Variants in PRDM16 observed in about 807,000 individuals in gnomAD.
The protein encoded by PRDM16 is histone-lysine N-methyltransferase PRDM16.
PRDM16 carries 23 observed loss-of-function variants against 110.6 expected under a neutral mutation model. The ratio of observed to expected loss-of-function variants is 0.21; its 90% confidence interval spans 0.15 to 0.29. The LOEUF is 0.29. Ranked by LOEUF, PRDM16 falls within the 10% of genes least tolerant of loss-of-function variation. The probability of loss-of-function intolerance (pLI) is 1.00; values close to 1 mark genes in which losing one functional copy is unlikely to be tolerated. For synonymous variants in PRDM16, 799 were observed against 781.8 expected, an observed-to-expected ratio of 1.02 and a Z score of -0.37; for missense variants, 1,615 against 1,794.3, an observed-to-expected ratio of 0.90 and a Z score of 1.81.
Position 3,414,351 on chromosome 1 carries a change from G to A in PRDM16, c.2604-209G>A, listed in dbSNP as rs558511880. On this transcript the variant is annotated intron_variant, in intron 9 of 16. Transcript: ENST00000270722. ...GGGCAGGTGGTGACAGGGAGGGTCC[G>A]TCTAGGGGTGCAGGTGGGCTGGGCT... Among the ~76,000 whole-genome samples, 7 of 152,266 alleles carry A rather than the reference G, an allele frequency of 4.6e-5. No individual in the cohort carries two copies. The South Asian group carries it at 8.3e-4, about 18-fold the overall frequency.
chr1:3,171,597 TG>T (rs1017533825), intron 1 of PRDM16, among the ~76,000 whole-genome samples: 71 of 152,156 alleles, frequency 4.7e-4, no homozygotes, highest in African/African-American at 1.7e-3. Context: ...CTGTGTGTAT[TG>T]GGGGGCCCTT....
intron 1 of PRDM16, among the ~76,000 whole-genome samples, chr1:3,163,870 C>T (rs1569730489): frequency 6.6e-6 from 1 of 152,250 alleles, no homozygotes; most frequent in African/African-American, 2.4e-5. Flanking sequence ...CCATCGCATC[C>T]GTGATGACCC....
At chr1:3,125,796 C>T (rs1425350710) in intron 1 of PRDM16, among the ~76,000 whole-genome samples, 1 of 152,182 alleles carries the variant, frequency 6.6e-6, no homozygotes, top group Admixed American at 6.5e-5. Flanking sequence ...CGGAGCGCGG[C>T]ACAGGCGAGG....
chr1:3,223,976 T>C (rs1451098251), intron 2 of PRDM16, among the ~76,000 whole-genome samples: 8 of 152,204 alleles, frequency 5.3e-5, no homozygotes. Context: ...GTATCACTTT[T>C]GGAAATTTTA....
intron 3 of PRDM16, among the ~76,000 whole-genome samples, chr1:3,346,695 C>T (rs542400021): frequency 1.3e-5 from 2 of 152,274 alleles, no homozygotes; most frequent in South Asian, 2.1e-4. Context: ...CTTCTCACCC[C>T]GGCTGCACCC....
chr1:3,250,530 A>C (rs939147802), intron 3 of PRDM16, among the ~76,000 whole-genome samples: 2 of 151,404 alleles, frequency 1.3e-5, no homozygotes, highest in African/African-American at 4.9e-5. Flanking sequence ...CACCTGAAGG[A>C]TCCCTTAAAT....
chr1:3,163,619 G>T (rs961180383), intron 1 of PRDM16, among the ~76,000 whole-genome samples: 1 of 152,196 alleles, frequency 6.6e-6, no homozygotes, highest in Non-Finnish European at 1.5e-5. Flanking sequence ...AGAAGTCTGG[G>T]ATCAGCTGTG....
intron 1 of PRDM16, among the ~76,000 whole-genome samples, chr1:3,165,711 T>TCACCTGGGCC (rs1643946886): frequency 1.5e-5 from 1 of 65,092 alleles, no homozygotes; most frequent in African/African-American, 1.3e-4. Flanking sequence ...TCACCTGGGC[T>TCACCTGGGCC]CAGGGACAGT....
chr1:3,253,606 C>T (rs1018088248), intron 3 of PRDM16, among the ~76,000 whole-genome samples: 1 of 151,542 alleles, frequency 6.6e-6, no homozygotes, highest in Non-Finnish European at 1.5e-5. Flanking sequence ...TCCAGTCTAT[C>T]ATTGTTGGAC....
intron 1 of PRDM16, chr1:3,127,966 A>G (rs1274538286): frequency 6.5e-6 from 1 of 154,814 alleles, no homozygotes; most frequent in Non-Finnish European, 1.5e-5. Context: ...GCCTTCTGGC[A>G]TCTGGGAACA....
rs1372147848 is a variant in PRDM16, at chr1:3,200,377, C to T, written c.387+13903C>T. Among the ~76,000 whole-genome samples the T allele has an allele frequency of 3.3e-5, 5 of 152,130 alleles. No individual in the cohort carries two copies. In the East Asian group the frequency reaches 5.8e-4, roughly 18 times the overall value. On this transcript the variant is annotated intron_variant, in intron 2 of 16. Transcript: ENST00000270722. ...TTATTTTTTGAGATGGAGTCTTGCT[C>T]TGCTGCCCAGGCTGGAGTGCAATGG...
At chr1:3,308,921 T>A (rs1641375966) in intron 3 of PRDM16, 1 of 152,198 alleles carries the variant, frequency 6.6e-6, no homozygotes, top group South Asian at 2.1e-4. Context: ...GGGGCCCTGG[T>A]GCGTGCCGGT....
At chr1:3,332,512 GT>G (rs1211732856) in intron 3 of PRDM16, among the ~76,000 whole-genome samples, 1 of 151,852 alleles carries the variant, frequency 6.6e-6, no homozygotes, top group African/African-American at 2.4e-5. Flanking sequence ...ATGGGCTGTT[GT>G]TTTTTTCCAT....
Position 3,418,730 on chromosome 1 carries a change from G to A in PRDM16, c.2925G>A (p.Gly975=). The part of the protein sequence containing the change: ...NLTRHLRTHT[G]EQPYRCKYCD... ...CCAGACACCTGAGGACGCACACTGG[G>A]GAGCAGCCGTACAGGTAGGTGCTGC... The change falls in exon 12 of 17, where the codon GGG becomes GGA. Residue 975 remains glycine (G), a synonymous_variant. Transcript: ENST00000270722. 1 of 1,613,642 alleles carries A rather than the reference G, an allele frequency of 6.2e-7. No homozygotes were observed. The highest frequency in any genetic ancestry group is 8.5e-7 in the Non-Finnish European group (1 of 1,179,852).
intron 1 of PRDM16, chr1:3,128,088 C>T (rs35529420): frequency 0.037 from 5,792 of 154,852 alleles, 164 homozygotes; most frequent in Non-Finnish European, 0.056. Flanking sequence ...CCGTCAGCCC[C>T]GCTGTGGAGG....
intron 1 of PRDM16, among the ~76,000 whole-genome samples, chr1:3,153,740 T>A (rs1459925159): frequency 1.3e-5 from 2 of 152,234 alleles, no homozygotes; most frequent in Non-Finnish European, 2.9e-5. Context: ...TTAACAGTCA[T>A]ATGCTAAGTA....
intron 1 of PRDM16, among the ~76,000 whole-genome samples, chr1:3,083,400 C>T (rs1019056435): frequency 6.6e-6 from 1 of 152,238 alleles, no homozygotes; most frequent in Non-Finnish European, 1.5e-5. Flanking sequence ...TGCTGTGTGC[C>T]GGGCGGGCAG....
intron 1 of PRDM16, among the ~76,000 whole-genome samples, chr1:3,150,994 G>C (rs1159330739): frequency 1.6e-5 from 2 of 126,938 alleles, no homozygotes; most frequent in Non-Finnish European, 3.4e-5. Flanking sequence ...ACGGGGGGCT[G>C]GTCCTAGAGC....
At position 3,404,508 on chromosome 1, in the gene PRDM16, A is replaced by G. The variant is rs1643526542; in HGVS notation, c.885-231A>G. ...GGGGGTGGTCTTGGGTGAGGGATGG[A>G]ACCATCCAGGTGCCGGCTTCCCCAT... On this transcript the variant is annotated intron_variant, in intron 6 of 16. Transcript: ENST00000270722. 2.0e-5 allele frequency among the ~76,000 whole-genome samples: 3 copies of G among 152,310 alleles called. No individual in the cohort carries two copies. The South Asian group carries it at 6.2e-4, about 32-fold the overall frequency.
Sources: gnomAD v4.1 joint callset for allele counts (sites outside exome capture counted in the v4.1 genomes callset) on GRCh38, gnomAD v4.1.1 for gene constraint, MANE v1.5 for transcripts, NCBI Gene and HGNC (gene_info 2026-07-23, HGNC 2026-07-21) for gene names.